SHISA6: variants seen among roughly 807,000 people sequenced by gnomAD.
SHISA6 encodes the protein shisa family member 6, also known as protein shisa-6.
A neutral mutation model predicts 47.9 loss-of-function variants in SHISA6; 22 were observed. That is an observed-to-expected ratio of 0.46 (90% CI 0.33 to 0.66). The LOEUF (loss-of-function observed/expected upper bound fraction) is 0.66, where lower values mean the gene tolerates loss of function less well. Ranked by LOEUF, SHISA6 falls within the 30% of genes least tolerant of loss-of-function variation. SHISA6 has a pLI of 0.02. For synonymous variants in SHISA6, 388 were observed against 337.8 expected, an observed-to-expected ratio of 1.15 and a Z score of -1.63; for missense variants, 680 against 764.6, an observed-to-expected ratio of 0.89 and a Z score of 1.30.
intron 3 of SHISA6, among the ~76,000 whole-genome samples, chr17:11,498,090 G>T (rs1393051878): frequency 3.9e-5 from 6 of 152,344 alleles, no homozygotes; most frequent in African/African-American, 1.4e-4. Context: ...GAAGCTCATT[G>T]CTCTTCCTCT....
chr17:11,541,385 A>T (rs1597577762), intron 3 of SHISA6, among the ~76,000 whole-genome samples: 1 of 152,242 alleles, frequency 6.6e-6, no homozygotes, highest in African/African-American at 2.4e-5. Context: ...GGTGGTCTTC[A>T]TATGGAATCA....
chr17:11,390,592 C>G (rs980429417), intron 3 of SHISA6, among the ~76,000 whole-genome samples: 2 of 151,762 alleles, frequency 1.3e-5, no homozygotes, highest in Non-Finnish European at 2.9e-5. Flanking sequence ...TTGAGAAGCA[C>G]TGATAAAAAA....
At position 11,563,731 on chromosome 17, in the gene SHISA6, T is replaced by G. The variant is rs1189620936; in HGVS notation, c.*5427T>G. ...AATTCTTACTGTAATATTTTTAGTT[T>G]GGGGACACAATTTCCTAAGGGGGGA... is the stretch of plus-strand genomic sequence containing the variant. On this transcript the variant is annotated 3_prime_UTR_variant, in exon 6 of 6. Transcript: ENST00000441885. The G allele has an allele frequency of 6.6e-6, 1 of 152,224 alleles. No homozygotes were observed. Among genetic ancestry groups the G allele is most frequent in the East Asian group, 1.9e-4 (1 of 5,198 alleles). The allele number at this position is 152,224 out of a possible 1,614,324, so 9.4% of individuals were successfully genotyped here. A position where few individuals can be genotyped will look rare whatever the true frequency, so the allele number is the denominator to read the frequency against.
chr17:11,254,477 A>T (rs1011705241), intron 1 of SHISA6, among the ~76,000 whole-genome samples: 1 of 152,170 alleles, frequency 6.6e-6, no homozygotes, highest in African/African-American at 2.4e-5. Context: ...CCTTGTGAGG[A>T]TGCTGCTTTT....
At chr17:11,376,532 G>A (rs550922407) in intron 2 of SHISA6, among the ~76,000 whole-genome samples, 1 of 152,112 alleles carries the variant, frequency 6.6e-6, no homozygotes, top group East Asian at 1.9e-4. Context: ...TGCCATGTTA[G>A]CCAGGATGGT....
At chr17:11,469,171 C>T (rs2142320246) in intron 3 of SHISA6, among the ~76,000 whole-genome samples, 1 of 152,142 alleles carries the variant, frequency 6.6e-6, no homozygotes, top group South Asian at 2.1e-4. Flanking sequence ...TCCTCAGAAC[C>T]TGCGAATATG....
intron 2 of SHISA6, among the ~76,000 whole-genome samples, chr17:11,357,580 C>T (rs556019166): frequency 6.6e-6 from 1 of 152,294 alleles, no homozygotes; most frequent in Non-Finnish European, 1.5e-5. Context: ...CTTTTGTTCA[C>T]TTAACGTTAT....
At chr17:11,306,504 G>A (rs1022211513) in intron 2 of SHISA6, among the ~76,000 whole-genome samples, 3 of 152,212 alleles carry the variant, frequency 2.0e-5, no homozygotes, top group African/African-American at 7.2e-5. Context: ...CTTGTTTATG[G>A]CCATGATATA....
intron 1 of SHISA6, among the ~76,000 whole-genome samples, chr17:11,242,862 A>G (rs983654808): frequency 2.0e-5 from 3 of 152,106 alleles, no homozygotes; most frequent in African/African-American, 4.8e-5. Context: ...CCGACGCACC[A>G]TCTTGCCCCC....
At chr17:11,534,700 G>A (rs962667574) in intron 3 of SHISA6, among the ~76,000 whole-genome samples, 13 of 152,136 alleles carry the variant, frequency 8.5e-5, no homozygotes, top group African/African-American at 2.9e-4. Flanking sequence ...CTTGAAGGAT[G>A]AATAAAAATT....
At position 11,479,500 on chromosome 17, in the gene SHISA6, A is replaced by T. The variant is rs190492593; in HGVS notation, c.896-72396A>T. 5.3e-4 allele frequency among the ~76,000 whole-genome samples: 80 copies of T among 152,156 alleles called. 1 individual carries two copies. Among genetic ancestry groups the T allele is most frequent in the Non-Finnish European group, 1.3e-4 (9 of 67,998 alleles). On this transcript the variant is annotated intron_variant, in intron 3 of 5. Coordinates refer to ENST00000441885, the MANE Select transcript of SHISA6 (RefSeq NM_207386.4). ...GAGGAGGGAGAGCATTAGGACAAAT[A>T]CCTAATGCCTGCAGGGCTTAAAACC...
At chr17:11,364,273 C>A (rs1283111495) in intron 2 of SHISA6, among the ~76,000 whole-genome samples, 1 of 152,150 alleles carries the variant, frequency 6.6e-6, no homozygotes, top group Admixed American at 6.5e-5. Flanking sequence ...TGTTCCTCTC[C>A]AGTCTAAATT....
At chr17:11,255,687 G>A (rs911682092) in intron 1 of SHISA6, among the ~76,000 whole-genome samples, 7 of 152,288 alleles carry the variant, frequency 4.6e-5, no homozygotes, top group Non-Finnish European at 8.8e-5. Flanking sequence ...AATATGGGGC[G>A]TGGATGGTCC....
At chr17:11,436,122 G>T (rs1041017785) in intron 3 of SHISA6, among the ~76,000 whole-genome samples, 1 of 152,170 alleles carries the variant, frequency 6.6e-6, no homozygotes, top group African/African-American at 2.4e-5. Flanking sequence ...CTTCCAGGGG[G>T]AAAGAATCCT....
chr17:11,286,020 TAG>T (rs1232385242), intron 2 of SHISA6, among the ~76,000 whole-genome samples: 1 of 152,008 alleles, frequency 6.6e-6, no homozygotes, highest in Non-Finnish European at 1.5e-5. Flanking sequence ...GTATTTTTAG[TAG>T]AGACAAGGTT....
intron 3 of SHISA6, among the ~76,000 whole-genome samples, chr17:11,410,636 C>G (rs998411210): frequency 1.3e-4 from 14 of 103,810 alleles, no homozygotes; most frequent in African/African-American, 4.9e-4. Flanking sequence ...TTGGACGCCC[C>G]CTTCATCCCT....
intron 3 of SHISA6, among the ~76,000 whole-genome samples, chr17:11,455,426 T>G (rs970573921): frequency 1.8e-4 from 28 of 152,266 alleles, no homozygotes; most frequent in African/African-American, 5.8e-4. Flanking sequence ...GGAAGCAAAT[T>G]CATGGAAGAG....
chr17:11,452,373 G>A (rs1915423407), intron 3 of SHISA6, among the ~76,000 whole-genome samples: 1 of 152,140 alleles, frequency 6.6e-6, no homozygotes, highest in African/African-American at 2.4e-5. Flanking sequence ...ATACATGTAA[G>A]CCCAGTCCTG....
chr17:11,556,258 C>A (rs2071978664), intron 5 of SHISA6, among the ~76,000 whole-genome samples: 1 of 152,140 alleles, frequency 6.6e-6, no homozygotes, highest in Non-Finnish European at 1.5e-5. Flanking sequence ...TAGAGGCTAG[C>A]AATGGCCAGA....
Sources: gnomAD v4.1 joint callset for allele counts (sites outside exome capture counted in the v4.1 genomes callset) on GRCh38, gnomAD v4.1.1 for gene constraint, MANE v1.5 for transcripts, NCBI Gene and HGNC (gene_info 2026-07-23, HGNC 2026-07-21) for gene names.